Variants in TDG observed in about 807,000 individuals in gnomAD.
TDG encodes G/T mismatch-specific thymine DNA glycosylase.
TDG carries 23 observed loss-of-function variants against 46.1 expected under a neutral mutation model. The ratio of observed to expected loss-of-function variants is 0.50; its 90% CI spans 0.36 to 0.71. The LOEUF is 0.71. TDG is among the 30% of genes least tolerant of loss of function. The probability of loss-of-function intolerance (pLI) is 0.00; values close to 1 mark genes in which losing one functional copy is unlikely to be tolerated. For synonymous variants in TDG, 115 were observed against 161.3 expected, an observed-to-expected ratio of 0.71 and a Z score of 2.18; for missense variants, 304 against 486.7, an observed-to-expected ratio of 0.62 and a Z score of 3.53.
intron 1 of TDG, among the ~76,000 whole-genome samples, chr12:103,972,757 G>A (rs1436430977): frequency 1.3e-5 from 2 of 152,080 alleles, no homozygotes; most frequent in Non-Finnish European, 1.5e-5. Flanking sequence ...TAATATAAAA[G>A]TTCAGATTAT....
At chr12:103,984,629 A>G in intron 7 of TDG, 120 bp from the exon 8 acceptor site, 1 of 708,822 alleles carries the variant, frequency 1.4e-6, no homozygotes, top group Non-Finnish European at 1.9e-6. Flanking sequence ...ATTTTTACAT[A>G]TATTTATATG....
chr12:103,969,154 A>T (rs931306), intron 1 of TDG, among the ~76,000 whole-genome samples: 115,857 of 152,174 alleles, frequency 0.76, 44,376 homozygotes, highest in East Asian at 1. Flanking sequence ...TGTTTTACAT[A>T]GGCCAACTAG....
chr12:103,984,602 A>C (rs1872014410), intron 7 of TDG, 147 bp from the exon 8 acceptor site: 1 of 559,724 alleles, frequency 1.8e-6, no homozygotes, highest in Admixed American at 4.5e-5. Flanking sequence ...CAACCTTAAA[A>C]GCAACTACTT....
At position 103,986,853 on chromosome 12, in the gene TDG, C is replaced by T. The variant is rs769408133; in HGVS notation, c.1091-95C>T. The T allele has an allele frequency of 5.7e-6, 8 of 1,400,794 alleles. No individual in the cohort carries two copies. The African/African-American group carries it at 9.9e-5, about 17-fold the overall frequency. 86.8% of individuals were successfully genotyped at this position (1,400,794 alleles called of 1,614,324 possible). On this transcript the variant is annotated intron_variant, in intron 9 of 9. Transcript: ENST00000392872. Reference sequence around the variant, plus strand: ...AGAGCTGTGATCATGCCACTGCATTCCAGCCTGGGCGATAGAGTAAGACCC... The same window carrying T: ...AGAGCTGTGATCATGCCACTGCATTTCAGCCTGGGCGATAGAGTAAGACCC...
intron 1 of TDG, among the ~76,000 whole-genome samples, chr12:103,971,826 T>A (rs1171648631): frequency 6.6e-6 from 1 of 152,180 alleles, no homozygotes; most frequent in Non-Finnish European, 1.5e-5. Flanking sequence ...TCTAGACAGA[T>A]CTAGTCCTAT....
At position 103,984,844 on chromosome 12, in the gene TDG, A is replaced by G; in HGVS notation, c.888A>G (p.Arg296=). 1 of 1,613,704 alleles carries G rather than the reference A, an allele frequency of 6.2e-7. No homozygotes were observed. The change falls in exon 8 of 10, where the codon AGA becomes AGG. Residue 296 remains arginine (R), a synonymous_variant. Transcript: ENST00000392872. ...ACTACATAAAACTGAAGGACTTAAGAGATCAGTTGAAAGGCATTGAACGAA... is the reference window on the plus strand; with the variant it reads ...ACTACATAAAACTGAAGGACTTAAGGGATCAGTTGAAAGGCATTGAACGAA... ...VHYYIKLKDL[R]DQLKGIERNM...
chr12:103,968,427 GA>G (rs1871157174), intron 1 of TDG, among the ~76,000 whole-genome samples: 1 of 152,122 alleles, frequency 6.6e-6, no homozygotes. Context: ...ACAACAAGAA[GA>G]ATAAAAAAGA....
chr12:103,980,718 A>G (rs1871781562), intron 3 of TDG, 175 bp from the exon 4 acceptor site: 4 of 514,352 alleles, frequency 7.8e-6, no homozygotes, highest in South Asian at 6.9e-5. Flanking sequence ...TCTCTTTCCC[A>G]TATATGAAAT....
intron 2 of TDG, among the ~76,000 whole-genome samples, chr12:103,978,051 ACT>A (rs1479230665): frequency 6.7e-6 from 1 of 149,236 alleles, no homozygotes; most frequent in Non-Finnish European, 1.5e-5. Context: ...ATAGTGCGAG[ACT>A]CTGTCTCAAA....
chr12:103,981,951 C>G (rs1871859715), intron 4 of TDG, among the ~76,000 whole-genome samples: 2 of 152,146 alleles, frequency 1.3e-5, no homozygotes, highest in African/African-American at 4.8e-5. Flanking sequence ...GAGGTTGAGG[C>G]TGCAGTTAGC....
At chr12:103,975,000 GAAAA>G (rs1871467931) in intron 1 of TDG, among the ~76,000 whole-genome samples, 10 of 145,860 alleles carry the variant, frequency 6.9e-5, no homozygotes, top group African/African-American at 2.3e-4. Flanking sequence ...AAAAGAAAAA[GAAAA>G]AGAAAACATG....
chr12:103,974,980 AAAAAAAAAAAAAAG>A, intron 1 of TDG, among the ~76,000 whole-genome samples: 1 of 129,334 alleles, frequency 7.7e-6, no homozygotes, highest in South Asian at 2.5e-4. Flanking sequence ...GTCTCAAAAA[AAAAAAAAAAAAAAG>A]AAAAAGAAAA....
chr12:103,987,032 T>G lies in TDG; in HGVS notation c.1175T>G (p.Ile392Ser), dbSNP rs1456828204. Reference protein sequence around the residue: ...QWMTQSFTDQIPSFSNHCGTQ... With the variant: ...QWMTQSFTDQSPSFSNHCGTQ... ...ATGACCCAGTCATTTACAGACCAAA[T>G]TCCTTCCTTTAGTAATCACTGTGGA... is the stretch of plus-strand genomic sequence containing the variant. The change falls in exon 10 of 10, where the codon ATT (isoleucine) becomes AGT (serine). Residue 392 changes from isoleucine to serine, a missense_variant. Transcript: ENST00000392872. 6.2e-7 allele frequency: 1 copy of G among 1,614,274 alleles called. No homozygotes were observed. Among genetic ancestry groups the G allele is most frequent in the Admixed American group, 1.7e-5 (1 of 60,038 alleles).
chr12:103,966,134 C>G, intron 1 of TDG, 74 bp downstream of exon 1: 2 of 1,411,688 alleles, frequency 1.4e-6, no homozygotes, highest in South Asian at 1.5e-5. Context: ...CGCGCGCGCG[C>G]ACGCAGGGGT....
chr12:103,966,224 G>A (rs1189735378), intron 1 of TDG, among the ~76,000 whole-genome samples, 164 bp downstream of exon 1: 2 of 152,082 alleles, frequency 1.3e-5, no homozygotes, highest in African/African-American at 2.4e-5. Context: ...TTCCCTGGCT[G>A]CGGCGGTGGT....
chr12:103,971,598 G>A (rs916930150), intron 1 of TDG, among the ~76,000 whole-genome samples: 7 of 151,982 alleles, frequency 4.6e-5, no homozygotes, highest in Non-Finnish European at 1.0e-4. Flanking sequence ...CAATCTATGA[G>A]CGCTGCAGTT....
At chr12:103,972,551 A>T (rs1871333209) in intron 1 of TDG, among the ~76,000 whole-genome samples, 1 of 152,246 alleles carries the variant, frequency 6.6e-6, no homozygotes. Context: ...GCAGCTGTTG[A>T]GGTAAACAAA....
intron 4 of TDG, among the ~76,000 whole-genome samples, 163 bp from the exon 5 acceptor site, chr12:103,982,636 G>C (rs188160645): frequency 6.6e-6 from 1 of 151,794 alleles, no homozygotes; most frequent in Non-Finnish European, 1.5e-5. Context: ...GTGGTGGTGT[G>C]CATCTGGGGT....
At chr12:103,984,676 A>G in intron 7 of TDG, 73 bp from the exon 8 acceptor site, 1 of 1,233,180 alleles carries the variant, frequency 8.1e-7, no homozygotes, top group Non-Finnish European at 1.1e-6. Flanking sequence ...AATAAAGACA[A>G]ATATTCTAAT....
Sources: gnomAD v4.1 joint callset for allele counts (sites outside exome capture counted in the v4.1 genomes callset) on GRCh38, gnomAD v4.1.1 for gene constraint, MANE v1.5 for transcripts, NCBI Gene and HGNC (gene_info 2026-07-23, HGNC 2026-07-21) for gene names.